SHISA7: variants seen among roughly 807,000 people sequenced by gnomAD.
The protein encoded by SHISA7 is protein shisa-7.
In SHISA7, 6 loss-of-function variants were observed where a neutral mutation model predicts 23.9. The ratio of observed to expected loss-of-function variants is 0.25; its 90% CI spans 0.14 to 0.50. The LOEUF is 0.50. Ranked by LOEUF, SHISA7 falls within the 20% of genes least tolerant of loss-of-function variation. SHISA7 has a pLI of 0.98. For synonymous variants in SHISA7, 386 were observed against 398.3 expected (o/e 0.97, Z 0.37); for missense variants, 671 against 801.1 (o/e 0.84, Z 1.96).
Position 55,442,188 on chromosome 19 carries a change from C to T in SHISA7, c.671+5G>A. On this transcript the variant is annotated splice_donor_5th_base_variant and intron_variant, in intron 1 of 3. Transcript: ENST00000376325. ...CGCAGTCCTCCCGCCCGAGAGCACACGCACCTGGGCACGTTGATATCCCGG... is the reference window on the plus strand; with the variant it reads ...CGCAGTCCTCCCGCCCGAGAGCACATGCACCTGGGCACGTTGATATCCCGG... 1 of 1,530,508 alleles carries T rather than the reference C, an allele frequency of 6.5e-7. No individual in the cohort carries two copies. The highest frequency in any genetic ancestry group is 2.5e-5 in the East Asian group (1 of 40,304). The allele number at this position is 1,530,508 out of a possible 1,614,324, so 94.8% of individuals were successfully genotyped here.
rs566275390 is a variant in SHISA7, at chr19:55,437,681, G to A, written c.900C>T (p.Asn300=). ...STLSCSRSFH[N]LSHLPPSYEA... ...CGTAGGACGGGGGCAGATGCGAGAG[G>A]TTGTGGAAGGACCGAGAGCAGGACA... The change falls in exon 3 of 4, where the codon AAC becomes AAT. Residue 300 remains asparagine (N), a synonymous_variant. Coordinates refer to ENST00000376325, the MANE Select transcript of SHISA7 (RefSeq NM_001145176.2). 491 of 1,551,564 alleles carry A rather than the reference G, an allele frequency of 3.2e-4. 2 individuals are homozygous for A. Among genetic ancestry groups the A allele is most frequent in the Non-Finnish European group, 7.6e-5 (87 of 1,146,954 alleles).
chr19:55,442,855 G>A lies in SHISA7; in HGVS notation c.9C>T (p.Ala3=), dbSNP rs1985629356. 2 of 1,382,530 alleles carry A rather than the reference G, an allele frequency of 1.4e-6. No individual in the cohort carries two copies. The highest frequency in any genetic ancestry group is 1.9e-6 in the Non-Finnish European group (2 of 1,070,810). The allele number at this position is 1,382,530 out of a possible 1,614,324, so 85.6% of individuals were successfully genotyped here. A position where few individuals can be genotyped will look rare whatever the true frequency, so the allele number is the denominator to read the frequency against. ...AGGCCAGGAGTACGAGGAGCAGGAG[G>A]GCCGGCATGGGGCTTGCAGGGGGTC... MP[A]LLLLVLLASS... The change falls in exon 1 of 4, where the codon GCC becomes GCT. Residue 3 remains alanine, a synonymous_variant. Transcript: ENST00000376325.
chr19:55,437,566 C>G (rs1985494214), intron 3 of SHISA7, 39 bp downstream of exon 3: 1 of 1,543,738 alleles, frequency 6.5e-7, no homozygotes, highest in South Asian at 1.2e-5. Flanking sequence ...GGCCCCGCCC[C>G]CTCCCCTTCA....
At chr19:55,440,536 C>A (rs1040508145) in intron 2 of SHISA7, 75 bp downstream of exon 2, 2 of 1,229,292 alleles carry the variant, frequency 1.6e-6, no homozygotes, top group Non-Finnish European at 2.1e-6. Context: ...GTGGAGCCGC[C>A]ATGGAGGGCG....
chr19:55,442,272 C>T lies in SHISA7; in HGVS notation c.592G>A (p.Ala198Thr), dbSNP rs1333050890. 1.1e-5 allele frequency: 17 copies of T among 1,533,406 alleles called. No individual in the cohort carries two copies. The highest frequency in any genetic ancestry group is 2.0e-5 in the Admixed American group (1 of 50,904). The allele number at this position is 1,533,406 out of a possible 1,614,324, so 95.0% of individuals were successfully genotyped here. ...GCCACTTTGGCGCCGACGCCCACGG[C>T]CAGGGCGAAGCTGATGACCCCGCAC... The part of the protein sequence containing the change: ...VVCGVISFAL[A>T]VGVGAKVAFS... The change falls in exon 1 of 4, where the codon GCC becomes ACC. Residue 198 changes from alanine to threonine, a missense_variant. By Grantham distance (58) the Ala-to-Thr change is moderately conservative. Coordinates refer to ENST00000376325, the MANE Select transcript of SHISA7 (RefSeq NM_001145176.2).
chr19:55,436,642 G>T (rs1985469794), intron 3 of SHISA7, among the ~76,000 whole-genome samples: 1 of 151,746 alleles, frequency 6.6e-6, no homozygotes. Flanking sequence ...GGTATGGTGG[G>T]TCACTCCTGT....
chr19:55,435,079 TG>T (rs1985397095), intron 3 of SHISA7, among the ~76,000 whole-genome samples: 4 of 59,082 alleles, frequency 6.8e-5, no homozygotes, highest in African/African-American at 2.1e-4. Flanking sequence ...ATGGTGTGTG[TG>T]GTGTGTGTGG....
chr19:55,441,616 T>G (rs1247857894), intron 1 of SHISA7, among the ~76,000 whole-genome samples: 3 of 152,224 alleles, frequency 2.0e-5, no homozygotes, highest in Admixed American at 2.0e-4. Context: ...GCCCTCTCTC[T>G]CAACACTTTC....
At chr19:55,435,590 A>G (rs1599872976) in intron 3 of SHISA7, among the ~76,000 whole-genome samples, 1 of 29,980 alleles carries the variant, frequency 3.3e-5, no homozygotes, top group Non-Finnish European at 9.2e-5. Context: ...CCATCTCTAC[A>G]AAAAAAAAAA....
At position 55,434,000 on chromosome 19, in the gene SHISA7, T is replaced by TC. The variant is rs779536193; in HGVS notation, c.977-205dup. Among the ~76,000 whole-genome samples, 84 of 151,084 alleles carry TC rather than the reference T, an allele frequency of 5.6e-4. No homozygotes were observed. The highest frequency in any genetic ancestry group is 1.4e-3 in the African/African-American group (56 of 40,992). On this transcript the variant is annotated intron_variant, in intron 3 of 3. Transcript: ENST00000376325. This position sits in a 1 kb window ranked among gnomAD's most constrained non-coding sequence, Gnocchi z 8.4. ...GTAGATGTGGAGGACTTCCTCTTCT[T>TC]CCCCCCCGCGCCGCCTATCCCTTCT...
intron 1 of SHISA7, 115 bp from the exon 2 acceptor site, chr19:55,440,880 C>G (rs1453571170): frequency 9.4e-7 from 1 of 1,058,494 alleles, no homozygotes; most frequent in African/African-American, 1.6e-5. Flanking sequence ...CTCAGCCTGC[C>G]TTTTTCGCCA....
At position 55,433,274 on chromosome 19, in the gene SHISA7, G is replaced by A; in HGVS notation, c.1499C>T (p.Thr500Ile). 2.0e-6 allele frequency: 3 copies of A among 1,514,186 alleles called. No homozygotes were observed. Among genetic ancestry groups the A allele is most frequent in the Non-Finnish European group, 2.6e-6 (3 of 1,137,874 alleles). The allele number at this position is 1,514,186 out of a possible 1,614,324, so 93.8% of individuals were successfully genotyped here. A position where few individuals can be genotyped will look rare whatever the true frequency, so the allele number is the denominator to read the frequency against. Residue 500 changes from threonine (T) to isoleucine (I), a missense_variant, in exon 4 of 4, where the codon ACA (threonine) becomes ATA (isoleucine). Physicochemically the swap from Thr to Ile is moderately conservative, Grantham distance 89 (BLOSUM62 -1). Transcript: ENST00000376325. This position sits in a 1 kb window ranked among gnomAD's most constrained non-coding sequence, Gnocchi z 8.4. ...WMSDAGGGGGTLARRPPFQRQ... is the reference protein window; with the variant it reads ...WMSDAGGGGGILARRPPFQRQ... ...CTGGAAGGGCGGCCTGCGGGCCAGT[G>A]TGCCCCCGCCCCCGCCGGCGTCGGA...
chr19:55,433,302 T>G lies in SHISA7; in HGVS notation c.1471A>C (p.Met491Leu). The change falls in exon 4 of 4, where the codon ATG becomes CTG. Residue 491 changes from methionine (M) to leucine (L), a missense_variant. By Grantham distance (15) the Met-to-Leu change is conservative (BLOSUM62 2). Transcript: ENST00000376325. This position sits in a 1 kb window ranked among gnomAD's most constrained non-coding sequence, Gnocchi z 8.4. ...CCCCCGCCCCCGCCGGCGTCGGACA[T>G]CCAGGCCGGCTGCGGCGAGCCGTGC... ...ALHGSPQPAW[M>L]SDAGGGGGTL... The G allele has an allele frequency of 1.3e-6, 2 of 1,496,358 alleles. No individual in the cohort carries two copies. Among genetic ancestry groups the G allele is most frequent in the South Asian group, 1.3e-5 (1 of 79,216 alleles). The allele number at this position is 1,496,358 out of a possible 1,614,324, so 92.7% of individuals were successfully genotyped here. A position where few individuals can be genotyped will look rare whatever the true frequency, so the allele number is the denominator to read the frequency against.
Position 55,442,279 on chromosome 19 carries a change from G to A in SHISA7, c.585C>T (p.Phe195=). 3.9e-6 allele frequency: 6 copies of A among 1,533,160 alleles called. No individual in the cohort carries two copies. Among genetic ancestry groups the A allele is most frequent in the African/African-American group, 1.4e-5 (1 of 72,744 alleles). 95.0% of individuals were successfully genotyped at this position (1,533,160 alleles called of 1,614,324 possible). A position where few individuals can be genotyped will look rare whatever the true frequency, so the allele number is the denominator to read the frequency against. The change falls in exon 1 of 4, where the codon TTC becomes TTT. Residue 195 remains phenylalanine, a synonymous_variant. Transcript: ENST00000376325. The part of the protein sequence containing the change: ...TAYVVCGVIS[F]ALAVGVGAKV... ...TGGCGCCGACGCCCACGGCCAGGGC[G>A]AAGCTGATGACCCCGCACACGACGT...
At chr19:55,440,915 C>T (rs1014904490) in intron 1 of SHISA7, 150 bp from the exon 2 acceptor site, 29 of 700,460 alleles carry the variant, frequency 4.1e-5, no homozygotes, top group African/African-American at 4.1e-4. Context: ...TTCTCGTTGG[C>T]CACGCCCCCT....
At position 55,442,576 on chromosome 19, in the gene SHISA7, GA is replaced by G; in HGVS notation, c.287del (p.Phe96SerfsTer48). The G allele has an allele frequency of 6.8e-7, 1 of 1,474,616 alleles. No individual in the cohort carries two copies. The highest frequency in any genetic ancestry group is 9.0e-7 in the Non-Finnish European group (1 of 1,106,780). The allele number at this position is 1,474,616 out of a possible 1,614,324, so 91.3% of individuals were successfully genotyped here. A position where few individuals can be genotyped will look rare whatever the true frequency, so the allele number is the denominator to read the frequency against. ...AGCGGTAGGAGCCGGTGCTGCAGTT[GA>G]AGGTGGCGTCGTACTGGCCCATGAC... ...YDVMGQYDAT[F>X]NCSTGSYRFC... is the part of the protein sequence containing the mutation. On this transcript the variant is annotated frameshift_variant, in exon 1 of 4. Coordinates refer to ENST00000376325, the MANE Select transcript of SHISA7 (RefSeq NM_001145176.2). LOFTEE classifies it high-confidence loss of function.
intron 2 of SHISA7, among the ~76,000 whole-genome samples, chr19:55,439,904 C>A (rs556634082): frequency 5.9e-5 from 9 of 152,124 alleles, no homozygotes; most frequent in East Asian, 1.9e-4. Flanking sequence ...CAGACCACAT[C>A]TTCTCAGTTC....
At chr19:55,435,080 G>GGT (rs151041091) in intron 3 of SHISA7, among the ~76,000 whole-genome samples, 28,431 of 80,448 alleles carry the variant, frequency 0.35, 5,940 homozygotes, top group East Asian at 0.78. Flanking sequence ...TGGTGTGTGT[G>GGT]GTGTGTGTGG....
At chr19:55,434,310 T>TGG (rs1985299778) in intron 3 of SHISA7, among the ~76,000 whole-genome samples, 2 of 101,236 alleles carry the variant, frequency 2.0e-5, no homozygotes, top group Non-Finnish European at 2.0e-5. Context: ...GGTGTGTGTG[T>TGG]GGTGTGTGTG....
Sources: gnomAD v4.1 joint callset for allele counts (sites outside exome capture counted in the v4.1 genomes callset) on GRCh38, gnomAD v4.1.1 for gene constraint, Gnocchi (gnomAD v3.1) non-coding constraint, MANE v1.5 for transcripts, NCBI Gene and HGNC (gene_info 2026-07-23, HGNC 2026-07-21) for gene names.